Variants in EYS observed in about 807,000 individuals in gnomAD.
EYS encodes the protein EGF-like photoreceptor maintenance factor.
A neutral mutation model predicts 282.1 loss-of-function variants in EYS; 250 were observed. That is an observed-to-expected ratio of 0.89 (90% CI 0.80 to 0.98). EYS has a LOEUF of 0.98. Ranked by LOEUF, EYS falls within the 50% of genes least tolerant of loss-of-function variation. The pLI is 0.00. For synonymous variants in EYS, 1,355 were observed against 1,282.9 expected (o/e 1.06, Z -1.20); for missense variants, 4,016 against 3,709.0 (o/e 1.08, Z -2.15).
Position 65,485,530 on chromosome 6 carries a change from C to T in EYS, c.862+5064G>A, listed in dbSNP as rs141758314. On this transcript the variant is annotated intron_variant, in intron 5 of 42. Transcript: ENST00000503581. The stretch of plus-strand genomic sequence containing the variant: ...TTAAAAAATGCCAGCTTTGGCTGTG[C>T]GTGGTGGCTCACTCCTGTAATTCCA... Among the ~76,000 whole-genome samples the T allele has an allele frequency of 6.0e-4, 91 of 152,312 alleles. 1 individual carries two copies. The highest frequency in any genetic ancestry group is 3.4e-3 in the Middle Eastern group (1 of 294).
rs910489269 is a variant in EYS, at chr6:65,421,876, G to A, written c.863-16509C>T. ...TCTACTAAGTTTTCCGTATTATATCGATGCAGTTGGTGGTGTTCCAAAGCA... is the reference window on the plus strand; with the variant it reads ...TCTACTAAGTTTTCCGTATTATATCAATGCAGTTGGTGGTGTTCCAAAGCA... On this transcript the variant is annotated intron_variant, in intron 5 of 42. Transcript: ENST00000503581. Among the ~76,000 whole-genome samples, 8 of 151,970 alleles carry A rather than the reference G, an allele frequency of 5.3e-5. No individual in the cohort carries two copies. The South Asian group carries it at 6.2e-4, about 12-fold the overall frequency.
chr6:64,277,435 A>G (rs1407399690), intron 30 of EYS, among the ~76,000 whole-genome samples: 3 of 152,162 alleles, frequency 2.0e-5, no homozygotes, highest in Non-Finnish European at 4.4e-5. Context: ...TAAACCTGTA[A>G]GATAAACCTA....
chr6:64,941,920 C>T (rs1415289674), intron 15 of EYS, among the ~76,000 whole-genome samples: 4 of 152,076 alleles, frequency 2.6e-5, no homozygotes, highest in African/African-American at 7.2e-5. Context: ...GAGATGACTA[C>T]ATGAGTGCAT....
At chr6:65,328,178 C>A (rs1294440885) in intron 11 of EYS, among the ~76,000 whole-genome samples, 1 of 151,386 alleles carries the variant, frequency 6.6e-6, no homozygotes, top group Non-Finnish European at 1.5e-5. Flanking sequence ...TCATTCACTA[C>A]CCATATCCTA....
chr6:64,329,752 C>T (rs989404757), intron 29 of EYS, among the ~76,000 whole-genome samples: 13 of 151,998 alleles, frequency 8.6e-5, no homozygotes, highest in African/African-American at 2.2e-4. Context: ...CCATTGCTAC[C>T]GGTGTTAAAG....
chr6:64,006,960 T>C (rs1768378694), intron 33 of EYS, among the ~76,000 whole-genome samples: 1 of 152,194 alleles, frequency 6.6e-6, no homozygotes, highest in African/African-American at 2.4e-5. Flanking sequence ...TTTTCTGTTT[T>C]TGTTGCTGTG....
At chr6:65,675,529 T>C (rs1768554100) in intron 1 of EYS, among the ~76,000 whole-genome samples, 1 of 151,838 alleles carries the variant, frequency 6.6e-6, no homozygotes, top group African/African-American at 2.4e-5. Context: ...AAAAATAACA[T>C]CTTAGAATTA....
At chr6:64,913,076 T>C (rs981407320) in intron 15 of EYS, among the ~76,000 whole-genome samples, 7 of 152,060 alleles carry the variant, frequency 4.6e-5, no homozygotes, top group African/African-American at 1.7e-4. Flanking sequence ...TAATATAAGT[T>C]TTACAGATGA....
intron 35 of EYS, among the ~76,000 whole-genome samples, chr6:63,953,883 G>A (rs1469320785): frequency 1.3e-5 from 2 of 152,136 alleles, no homozygotes; most frequent in African/African-American, 4.8e-5. Context: ...TTTTAGCGTA[G>A]CCCTCATGTC....
intron 33 of EYS, among the ~76,000 whole-genome samples, chr6:64,039,305 CTG>C (rs931011817): frequency 1.3e-5 from 2 of 152,068 alleles, no homozygotes; most frequent in African/African-American, 2.4e-5. Flanking sequence ...AAGAAGAAAA[CTG>C]AACTCTTTTG....
intron 5 of EYS, among the ~76,000 whole-genome samples, chr6:65,411,586 A>T (rs1030911918): frequency 1.3e-5 from 2 of 151,996 alleles, no homozygotes; most frequent in African/African-American, 4.8e-5. Flanking sequence ...TTCCATGATT[A>T]CAAAGATCTC....
chr6:63,799,023 T>TATATATATATAAAA (rs1770720355), intron 37 of EYS, among the ~76,000 whole-genome samples: 1 of 100,910 alleles, frequency 9.9e-6, no homozygotes, highest in African/African-American at 4.3e-5. Flanking sequence ...ATATATATAA[T>TATATATATATAAAA]TTTTTTTTTT....
At chr6:65,686,472 G>A (rs372979034) in intron 1 of EYS, among the ~76,000 whole-genome samples, 12 of 152,118 alleles carry the variant, frequency 7.9e-5, no homozygotes, top group South Asian at 6.2e-4. Flanking sequence ...GAGTCGACGC[G>A]ATTATGTGGT....
intron 24 of EYS, among the ~76,000 whole-genome samples, chr6:64,593,752 T>G (rs1766482207): frequency 6.6e-6 from 1 of 152,168 alleles, no homozygotes; most frequent in African/African-American, 2.4e-5. Context: ...TTCTTGTGAT[T>G]TGCAAATTAT....
intron 12 of EYS, among the ~76,000 whole-genome samples, chr6:65,128,081 T>A (rs574740699): frequency 6.6e-6 from 1 of 152,154 alleles, no homozygotes; most frequent in East Asian, 1.9e-4. Context: ...CTTCCCATGG[T>A]CAAACTATTA....
intron 1 of EYS, among the ~76,000 whole-genome samples, chr6:65,678,361 T>C (rs1768699436): frequency 6.6e-6 from 1 of 152,028 alleles, no homozygotes; most frequent in African/African-American, 2.4e-5. Flanking sequence ...ATAAAAGGTG[T>C]TGGGAAAAAT....
Position 65,062,124 on chromosome 6 carries a change from A to G in EYS, c.2024-4397T>C, listed in dbSNP as rs79632005. ...ATGCCCTCTACATGACAGACTCCCAAATCAAAATTTCTCCAGTCCCAGGAA... is the reference window on the plus strand; with the variant it reads ...ATGCCCTCTACATGACAGACTCCCAGATCAAAATTTCTCCAGTCCCAGGAA... On this transcript the variant is annotated intron_variant, in intron 12 of 42. Coordinates refer to ENST00000503581, the MANE Select transcript of EYS (RefSeq NM_001142800.2). 6.2e-3 allele frequency among the ~76,000 whole-genome samples: 946 copies of G among 151,992 alleles called. 9 individuals carry two copies. The highest frequency in any genetic ancestry group is 0.021 in the African/African-American group (892 of 41,522).
At chr6:64,036,518 G>A (rs944255334) in intron 33 of EYS, among the ~76,000 whole-genome samples, 2 of 152,158 alleles carry the variant, frequency 1.3e-5, no homozygotes, top group African/African-American at 4.8e-5. Flanking sequence ...TAATCTTATG[G>A]AAGATGGATT....
At chr6:63,895,390 A>T (rs142441168) in intron 35 of EYS, among the ~76,000 whole-genome samples, 99 of 152,332 alleles carry the variant, frequency 6.5e-4, no homozygotes, top group Middle Eastern at 3.4e-3. Flanking sequence ...ATCATTTAAC[A>T]CCTGTTTTAT....
Sources: gnomAD v4.1 joint callset for allele counts (sites outside exome capture counted in the v4.1 genomes callset) on GRCh38, gnomAD v4.1.1 for gene constraint, MANE v1.5 for transcripts, NCBI Gene and HGNC (gene_info 2026-07-23, HGNC 2026-07-21) for gene names.